The following INPP4B variants were observed in gnomAD, a reference collection of about 807,000 sequenced individuals.
The protein encoded by INPP4B is inositol polyphosphate-4-phosphatase type II B.
INPP4B carries 55 observed loss-of-function variants against 122.5 expected under a neutral mutation model. That is an observed-to-expected ratio of 0.45 (90% CI 0.36 to 0.56). INPP4B has a LOEUF of 0.56. Ranked by LOEUF, INPP4B falls within the 20% of genes least tolerant of loss-of-function variation. The pLI, the probability that INPP4B is intolerant of heterozygous loss-of-function variation, is 0.00. For missense variants in INPP4B, 1,000 were observed against 1,097.7 expected (o/e 0.91, Z 1.26); for synonymous variants, 403 against 388.7 (o/e 1.04, Z -0.43).
chr4:142,784,462 G>C (rs973224790), intron 1 of INPP4B, among the ~76,000 whole-genome samples: 1 of 151,426 alleles, frequency 6.6e-6, no homozygotes, highest in African/African-American at 2.4e-5. Flanking sequence ...GAGGTCACAG[G>C]GCAAACCACC....
At chr4:142,759,842 A>T (rs951009069) in intron 1 of INPP4B, among the ~76,000 whole-genome samples, 1 of 150,308 alleles carries the variant, frequency 6.7e-6, no homozygotes. Context: ...AAAAAAAAAA[A>T]AAAAAAAAAA....
chr4:142,185,388 A>ATGTG (rs145785141), intron 15 of INPP4B, among the ~76,000 whole-genome samples: 36 of 146,338 alleles, frequency 2.5e-4, no homozygotes, highest in Non-Finnish European at 2.9e-4. Flanking sequence ...ATATATGTGT[A>ATGTG]TGTGTGTGTG....
chr4:142,390,545 C>A (rs963830776), intron 7 of INPP4B, among the ~76,000 whole-genome samples: 15 of 152,056 alleles, frequency 9.9e-5, no homozygotes, highest in African/African-American at 3.4e-4. Context: ...CTTTGAGATG[C>A]TACAGAGGGC....
intron 25 of INPP4B, among the ~76,000 whole-genome samples, chr4:142,063,716 G>T (rs1168484592): frequency 1.3e-5 from 2 of 152,010 alleles, no homozygotes; most frequent in East Asian, 1.9e-4. Flanking sequence ...TAAAAAATGG[G>T]ATATTTTTCA....
chr4:142,268,186 G>A (rs539962058), intron 10 of INPP4B, among the ~76,000 whole-genome samples: 1 of 151,154 alleles, frequency 6.6e-6, no homozygotes, highest in Non-Finnish European at 1.5e-5. Context: ...AGCCGGGCAT[G>A]GTGGCGGGTC....
intron 11 of INPP4B, among the ~76,000 whole-genome samples, chr4:142,250,483 G>T (rs1165199920): frequency 6.6e-6 from 1 of 152,116 alleles, no homozygotes. Flanking sequence ...ACAGATTAAA[G>T]AAATACCACA....
intron 18 of INPP4B, among the ~76,000 whole-genome samples, chr4:142,138,839 C>T (rs1383916810): frequency 1.3e-5 from 2 of 152,310 alleles, no homozygotes; most frequent in African/African-American, 4.8e-5. Flanking sequence ...TTTGATACCT[C>T]GTTTGGTCTC....
chr4:142,143,779 G>A (rs1264807503), intron 18 of INPP4B, among the ~76,000 whole-genome samples: 3 of 151,976 alleles, frequency 2.0e-5, no homozygotes, highest in Non-Finnish European at 4.4e-5. Context: ...ACAGCACTAT[G>A]ATAGTACTTA....
chr4:142,687,127 G>A (rs1252470029), intron 2 of INPP4B, among the ~76,000 whole-genome samples: 1 of 151,992 alleles, frequency 6.6e-6, no homozygotes, highest in Non-Finnish European at 1.5e-5. Context: ...GATGCTAAGA[G>A]TTACTAAGAA....
At chr4:142,103,392 T>C (rs1785430353) in intron 23 of INPP4B, among the ~76,000 whole-genome samples, 1 of 152,076 alleles carries the variant, frequency 6.6e-6, no homozygotes, top group African/African-American at 2.4e-5. Flanking sequence ...ATCTATAAAA[T>C]ATTGGGTTCT....
At chr4:142,553,460 T>G (rs1235058164) in intron 2 of INPP4B, among the ~76,000 whole-genome samples, 1 of 152,208 alleles carries the variant, frequency 6.6e-6, no homozygotes, top group Non-Finnish European at 1.5e-5. Flanking sequence ...TCATATCCCC[T>G]TGGCTTTATG....
intron 7 of INPP4B, among the ~76,000 whole-genome samples, chr4:142,394,476 C>T (rs1316030399): frequency 1.3e-5 from 2 of 152,220 alleles, no homozygotes; most frequent in Admixed American, 6.5e-5. Context: ...TCCTTGCTGA[C>T]ATTCTTAATT....
At chr4:142,741,930 T>TA (rs914347626) in intron 1 of INPP4B, among the ~76,000 whole-genome samples, 1 of 151,848 alleles carries the variant, frequency 6.6e-6, no homozygotes, top group Non-Finnish European at 1.5e-5. Flanking sequence ...GAGACAATAC[T>TA]AAAAAAAGAA....
At chr4:142,312,170 T>C (rs975683915) in intron 8 of INPP4B, among the ~76,000 whole-genome samples, 4 of 152,180 alleles carry the variant, frequency 2.6e-5, no homozygotes, top group African/African-American at 4.8e-5. Flanking sequence ...ATGTACCCCA[T>C]TGTATGTTCA....
Position 142,208,435 on chromosome 4 carries a change from A to G in INPP4B, c.1062T>C (p.Pro354=). ...AATAATTTATGATACCTTTCAAGTGAGGGCTGTGTACCTGCATTCTTTGCA... is the reference window on the plus strand; with the variant it reads ...AATAATTTATGATACCTTTCAAGTGGGGGCTGTGTACCTGCATTCTTTGCA... ...LHLQRMQVHS[P]HLKDALYDVI... is the part of the protein sequence containing the mutation. Residue 354 remains proline (P), a synonymous_variant, in exon 14 of 26, where the codon CCT becomes CCC. Coordinates refer to ENST00000262992, the MANE Select transcript of INPP4B (RefSeq NM_001101669.3). 1 of 1,550,028 alleles carries G rather than the reference A, an allele frequency of 6.5e-7. No individual in the cohort carries two copies. Among genetic ancestry groups the G allele is most frequent in the Non-Finnish European group, 8.8e-7 (1 of 1,133,650 alleles).
chr4:142,142,768 G>T (rs1808527482), intron 18 of INPP4B, among the ~76,000 whole-genome samples: 1 of 152,074 alleles, frequency 6.6e-6, no homozygotes, highest in African/African-American at 2.4e-5. Context: ...AGGAAGAAAA[G>T]ATTTTGAATG....
intron 2 of INPP4B, among the ~76,000 whole-genome samples, chr4:142,718,499 T>C (rs1410152171): frequency 2.6e-5 from 4 of 152,190 alleles, no homozygotes; most frequent in Non-Finnish European, 4.4e-5. Context: ...TGGACTATTC[T>C]AGATCAAGCA....
intron 1 of INPP4B, among the ~76,000 whole-genome samples, chr4:142,792,863 G>A (rs905577739): frequency 4.6e-5 from 7 of 151,996 alleles, no homozygotes; most frequent in African/African-American, 1.2e-4. Flanking sequence ...TTTTAGAAAT[G>A]CAAGATAAAA....
intron 1 of INPP4B, among the ~76,000 whole-genome samples, chr4:142,813,548 C>T (rs1326456574): frequency 3.9e-5 from 6 of 152,168 alleles, no homozygotes; most frequent in African/African-American, 1.4e-4. Context: ...CGGGGTTATT[C>T]AATGGAGCTT....
Sources: gnomAD v4.1 joint callset for allele counts (sites outside exome capture counted in the v4.1 genomes callset) on GRCh38, gnomAD v4.1.1 for gene constraint, MANE v1.5 for transcripts, NCBI Gene and HGNC (gene_info 2026-07-23, HGNC 2026-07-21) for gene names.